ZFYVE9: variants seen among roughly 807,000 people sequenced by gnomAD.
The protein encoded by ZFYVE9 is zinc finger FYVE-type containing 9.
Under a neutral mutation model 126.7 loss-of-function variants are expected in ZFYVE9, and 43 were observed. The observed-to-expected ratio is 0.34, with a 90% CI of 0.27 to 0.44. The LOEUF (loss-of-function observed/expected upper bound fraction) is 0.44. Among genes scored for constraint, ZFYVE9 ranks in the 20% least tolerant of loss-of-function variants. ZFYVE9 has a pLI of 1.00. For synonymous variants in ZFYVE9, 521 were observed against 597.4 expected, an observed-to-expected ratio of 0.87 and a Z score of 1.87; for missense variants, 1,476 against 1,697.0, an observed-to-expected ratio of 0.87 and a Z score of 2.29.
chr1:52,256,367 C>CT (rs953545461), intron 4 of ZFYVE9, among the ~76,000 whole-genome samples: 42 of 148,690 alleles, frequency 2.8e-4, no homozygotes, highest in East Asian at 1.2e-3. Context: ...ATGCCCGGCT[C>CT]TTTTTTTTTT....
intron 1 of ZFYVE9, among the ~76,000 whole-genome samples, chr1:52,200,106 G>A (rs1312949657): frequency 2.0e-5 from 3 of 151,236 alleles, no homozygotes; most frequent in African/African-American, 4.9e-5. Flanking sequence ...TCTTTTTCAA[G>A]TATGTTCTCC....
At chr1:52,317,705 A>G (rs1342192959) in intron 13 of ZFYVE9, among the ~76,000 whole-genome samples, 2 of 152,204 alleles carry the variant, frequency 1.3e-5, no homozygotes, top group Admixed American at 1.3e-4. Flanking sequence ...AGTTAGACTG[A>G]TTAGATAGGG....
chr1:52,173,586 C>G (rs532871391), intron 1 of ZFYVE9, among the ~76,000 whole-genome samples: 1 of 152,216 alleles, frequency 6.6e-6, no homozygotes, highest in African/African-American at 2.4e-5. Flanking sequence ...GGTACCAGTT[C>G]CTCCTTGTAC....
chr1:52,146,993 G>A (rs958689895), intron 1 of ZFYVE9, among the ~76,000 whole-genome samples: 3 of 152,206 alleles, frequency 2.0e-5, no homozygotes, highest in Non-Finnish European at 4.4e-5. Flanking sequence ...AAAATTCCAC[G>A]CCTGATCTCA....
At chr1:52,236,617 G>A (rs1645275236) in intron 3 of ZFYVE9, among the ~76,000 whole-genome samples, 1 of 152,124 alleles carries the variant, frequency 6.6e-6, no homozygotes, top group Admixed American at 6.6e-5. Flanking sequence ...CTGTTAAAAA[G>A]TAAACAGAAA....
intron 1 of ZFYVE9, among the ~76,000 whole-genome samples, chr1:52,155,172 A>T (rs947690800): frequency 6.6e-6 from 1 of 151,154 alleles, no homozygotes; most frequent in Non-Finnish European, 1.5e-5. Context: ...GTGCCCAGTG[A>T]TGAAGCATTG....
intron 1 of ZFYVE9, among the ~76,000 whole-genome samples, chr1:52,143,659 A>G (rs1054781670): frequency 6.6e-6 from 1 of 152,216 alleles, no homozygotes; most frequent in Admixed American, 6.5e-5. Flanking sequence ...GTTTAAAATT[A>G]TCTGACTGTT....
At chr1:52,307,787 C>T (rs1390460126) in intron 13 of ZFYVE9, among the ~76,000 whole-genome samples, 9 of 149,394 alleles carry the variant, frequency 6.0e-5, no homozygotes, top group South Asian at 2.1e-4. Context: ...AGTCTTGCTC[C>T]GCCACCCAGG....
At chr1:52,254,109 T>TAGA (rs1645479283) in intron 4 of ZFYVE9, 2 of 757,688 alleles carry the variant, frequency 2.6e-6, no homozygotes, top group Non-Finnish European at 4.5e-6. Flanking sequence ...TACACACTGG[T>TAGA]AGAAGAGAGC....
At chr1:52,251,951 C>T (rs1213710339) in intron 4 of ZFYVE9, 3 of 149,630 alleles carry the variant, frequency 2.0e-5, no homozygotes, top group Admixed American at 6.7e-5. Context: ...TCCATTTAAT[C>T]TAGGTAAGTC....
intron 1 of ZFYVE9, among the ~76,000 whole-genome samples, chr1:52,193,707 C>CAAAAAA: frequency 3.5e-5 from 2 of 56,402 alleles, no homozygotes; most frequent in Non-Finnish European, 6.5e-5. Flanking sequence ...AACTCTGTCT[C>CAAAAAA]AAAAAAAAAA....
chr1:52,257,362 G>T (rs959141244), intron 4 of ZFYVE9, among the ~76,000 whole-genome samples: 4 of 152,072 alleles, frequency 2.6e-5, no homozygotes, highest in African/African-American at 9.7e-5. Flanking sequence ...TTCCCATAAG[G>T]TCATCTGACT....
intron 7 of ZFYVE9, among the ~76,000 whole-genome samples, chr1:52,271,254 CA>C (rs541812923): frequency 9.9e-5 from 15 of 152,038 alleles, no homozygotes; most frequent in Non-Finnish European, 2.1e-4. Flanking sequence ...CAGGCTAAGC[CA>C]CATTATTTTG....
chr1:52,326,095 C>G (rs1646288963), intron 13 of ZFYVE9, among the ~76,000 whole-genome samples: 1 of 152,214 alleles, frequency 6.6e-6, no homozygotes, highest in Non-Finnish European at 1.5e-5. Context: ...GCTCAGCTTG[C>G]TCAGTGCCTG....
intron 1 of ZFYVE9, among the ~76,000 whole-genome samples, chr1:52,153,018 G>C (rs1447638950): frequency 6.6e-6 from 1 of 152,212 alleles, no homozygotes; most frequent in East Asian, 1.9e-4. Context: ...TTGCCTGTTA[G>C]AGGAGGCCTG....
chr1:52,147,352 T>C (rs1455277534), intron 1 of ZFYVE9, among the ~76,000 whole-genome samples: 1 of 152,190 alleles, frequency 6.6e-6, no homozygotes, highest in African/African-American at 2.4e-5. Context: ...TTTTAGAACA[T>C]TTTAATCACT....
At chr1:52,210,124 A>G (rs528672306) in intron 1 of ZFYVE9, among the ~76,000 whole-genome samples, 1 of 152,324 alleles carries the variant, frequency 6.6e-6, no homozygotes, top group South Asian at 2.1e-4. Flanking sequence ...AGGAGAGGAT[A>G]GTATCTAGAA....
At chr1:52,210,405 A>G (rs573920025) in intron 1 of ZFYVE9, among the ~76,000 whole-genome samples, 7 of 150,626 alleles carry the variant, frequency 4.6e-5, no homozygotes, top group African/African-American at 1.7e-4. Flanking sequence ...TGTTTCCTAA[A>G]CTGTACTCTA....
intron 4 of ZFYVE9, among the ~76,000 whole-genome samples, chr1:52,241,562 T>A (rs1456760710): frequency 6.6e-6 from 1 of 152,180 alleles, no homozygotes; most frequent in Non-Finnish European, 1.5e-5. Flanking sequence ...GTACCTTAGA[T>A]GGATTCAGAA....
Sources: allele counts gnomAD v4.1 joint callset (sites outside exome capture counted in the v4.1 genomes callset), GRCh38; gene constraint gnomAD v4.1.1; transcripts MANE v1.5; gene names NCBI Gene and HGNC (gene_info 2026-07-23, HGNC 2026-07-21).